Variants in LUZP2 observed in about 807,000 individuals in gnomAD.
The protein encoded by LUZP2 is leucine zipper protein 2.
LUZP2 carries 52 observed loss-of-function variants against 51.6 expected under a neutral mutation model. That is an observed-to-expected ratio of 1.01 (90% CI 0.81 to 1.27). LUZP2 has a LOEUF of 1.27. LUZP2 is among the 50% of genes most tolerant of loss of function. LUZP2 has a pLI of 0.00. For missense variants in LUZP2, 436 were observed against 395.4 expected, an observed-to-expected ratio of 1.10 and a Z score of -0.87; for synonymous variants, 154 against 137.3, an observed-to-expected ratio of 1.12 and a Z score of -0.85.
intron 1 of LUZP2, among the ~76,000 whole-genome samples, chr11:24,568,610 C>A (rs1421489028): frequency 1.3e-5 from 2 of 151,544 alleles, no homozygotes; most frequent in Admixed American, 1.3e-4. Flanking sequence ...AGAAAATAAG[C>A]ATAAAATAAG....
At chr11:24,950,593 T>A (rs890192081) in intron 7 of LUZP2, among the ~76,000 whole-genome samples, 2 of 151,578 alleles carry the variant, frequency 1.3e-5, no homozygotes, top group Non-Finnish European at 1.5e-5. Context: ...AATTTAGCAG[T>A]TCTTTTTGTC....
At position 24,545,925 on chromosome 11, in the gene LUZP2, T is replaced by G. The variant is rs561459102; in HGVS notation, c.62+48620T>G. Among the ~76,000 whole-genome samples the G allele has an allele frequency of 2.0e-5, 3 of 151,964 alleles. No homozygotes were observed. The East Asian group carries it at 5.8e-4, about 29-fold the overall frequency. On this transcript the variant is annotated intron_variant, in intron 1 of 11. Coordinates refer to ENST00000336930, the MANE Select transcript of LUZP2 (RefSeq NM_001009909.4). ...GATTCTTCCTATCCATGAGCATAGC[T>G]TTTTTATTTGTTTGTGTTATTTCTG...
chr11:24,768,556 A>G (rs960295307), intron 5 of LUZP2, among the ~76,000 whole-genome samples: 1 of 152,240 alleles, frequency 6.6e-6, no homozygotes, highest in Non-Finnish European at 1.5e-5. Flanking sequence ...TCAAGCAATT[A>G]AGTAGCAAAT....
chr11:24,508,543 TGCCTG>T (rs1247666053), intron 1 of LUZP2, among the ~76,000 whole-genome samples: 3 of 152,148 alleles, frequency 2.0e-5, no homozygotes, highest in Non-Finnish European at 4.4e-5. Context: ...GGTTTTCTAC[TGCCTG>T]GCTCCAGATG....
intron 1 of LUZP2, among the ~76,000 whole-genome samples, chr11:24,515,165 C>T (rs1442959943): frequency 6.6e-6 from 1 of 152,128 alleles, no homozygotes; most frequent in Non-Finnish European, 1.5e-5. Flanking sequence ...AGGAGTTACA[C>T]AATCATCTAG....
chr11:24,947,418 TA>T (rs1298827504), intron 7 of LUZP2, among the ~76,000 whole-genome samples: 6 of 151,810 alleles, frequency 4.0e-5, no homozygotes, highest in Non-Finnish European at 5.9e-5. Flanking sequence ...ACACACTGAA[TA>T]GCTTACACTA....
intron 1 of LUZP2, among the ~76,000 whole-genome samples, chr11:24,719,179 A>C (rs890385708): frequency 6.6e-6 from 1 of 152,222 alleles, no homozygotes; most frequent in African/African-American, 2.4e-5. Flanking sequence ...TAAATGGATT[A>C]GAAAAGCAAA....
chr11:24,687,397 A>G (rs967201674), intron 1 of LUZP2, among the ~76,000 whole-genome samples: 5 of 152,198 alleles, frequency 3.3e-5, no homozygotes, highest in African/African-American at 1.2e-4. Context: ...CACAGAATTT[A>G]CTATGTGCTT....
chr11:25,031,399 T>C (rs77063609), intron 9 of LUZP2, among the ~76,000 whole-genome samples: 2,801 of 152,242 alleles, frequency 0.018, 88 homozygotes, highest in African/African-American at 0.064. Flanking sequence ...AATTTCTCAA[T>C]TGCTTATGTG....
chr11:24,845,046 G>A (rs1015548489), intron 5 of LUZP2, among the ~76,000 whole-genome samples: 1 of 152,138 alleles, frequency 6.6e-6, no homozygotes. Flanking sequence ...GCTGTGAGAG[G>A]AGGGCCACCA....
At chr11:24,577,439 C>A (rs1266375034) in intron 1 of LUZP2, among the ~76,000 whole-genome samples, 1 of 152,030 alleles carries the variant, frequency 6.6e-6, no homozygotes, top group Non-Finnish European at 1.5e-5. Context: ...TCCCAATATG[C>A]TAGAGGCATA....
rs557782146 is a variant in LUZP2 at position 24,858,669 on chromosome 11, G to A, written c.397-47322G>A. Reference sequence around the variant, plus strand: ...TAAACCACTGCCTTCTGAATGATAAGTCTGTGAACAATGTAGTTCTTTAGT... The same window carrying A: ...TAAACCACTGCCTTCTGAATGATAAATCTGTGAACAATGTAGTTCTTTAGT... On this transcript the variant is annotated intron_variant, in intron 5 of 11. Coordinates refer to ENST00000336930, the MANE Select transcript of LUZP2 (RefSeq NM_001009909.4). 3.9e-5 allele frequency among the ~76,000 whole-genome samples: 6 copies of A among 152,178 alleles called. No individual in the cohort carries two copies. The South Asian group carries it at 1.2e-3, about 31-fold the overall frequency.
intron 1 of LUZP2, among the ~76,000 whole-genome samples, chr11:24,541,237 G>A (rs1012724319): frequency 8.3e-6 from 1 of 120,216 alleles, no homozygotes; most frequent in Non-Finnish European, 1.6e-5. Context: ...TGGGGGACAA[G>A]AGAGAGACTT....
chr11:25,032,480 T>G (rs1857717855), intron 9 of LUZP2, among the ~76,000 whole-genome samples: 1 of 152,150 alleles, frequency 6.6e-6, no homozygotes, highest in Admixed American at 6.6e-5. Flanking sequence ...AAGATATAAT[T>G]TTGCTCTAAT....
intron 7 of LUZP2, among the ~76,000 whole-genome samples, chr11:24,919,933 A>T (rs1193934738): frequency 2.0e-5 from 3 of 151,748 alleles, no homozygotes; most frequent in African/African-American, 2.4e-5. Flanking sequence ...AAAATAAATA[A>T]TTGGTTAGCT....
At chr11:24,606,949 G>A (rs536013894) in intron 1 of LUZP2, among the ~76,000 whole-genome samples, 2 of 151,812 alleles carry the variant, frequency 1.3e-5, no homozygotes, top group Non-Finnish European at 2.9e-5. Context: ...GTTTTCCTAC[G>A]AAAAATTTGA....
At chr11:24,734,285 T>G (rs1858843306) in intron 3 of LUZP2, among the ~76,000 whole-genome samples, 1 of 151,756 alleles carries the variant, frequency 6.6e-6, no homozygotes, top group African/African-American at 2.4e-5. Context: ...ATGATGTGAA[T>G]GAAAACCTAT....
chr11:24,516,727 C>T (rs1320854886), intron 1 of LUZP2, among the ~76,000 whole-genome samples: 3 of 152,116 alleles, frequency 2.0e-5, no homozygotes, highest in Non-Finnish European at 4.4e-5. Context: ...GCTGTGTAGT[C>T]ATTTGTAATA....
chr11:24,795,433 CA>C (rs1849520048), intron 5 of LUZP2, among the ~76,000 whole-genome samples: 1 of 151,978 alleles, frequency 6.6e-6, no homozygotes, highest in Non-Finnish European at 1.5e-5. Context: ...AGGAAAATAG[CA>C]ATAATAATGA....
Sources: gnomAD v4.1 joint callset for allele counts (sites outside exome capture counted in the v4.1 genomes callset) on GRCh38, gnomAD v4.1.1 for gene constraint, MANE v1.5 for transcripts, NCBI Gene and HGNC (gene_info 2026-07-23, HGNC 2026-07-21) for gene names.